DMD: variants seen among roughly 807,000 people sequenced by gnomAD.
The protein encoded by DMD is mutant dystrophin.
In DMD, 63 loss-of-function variants were observed where a neutral mutation model predicts 330.1. That is an observed-to-expected ratio of 0.19 (90% CI 0.16 to 0.24). The LOEUF (loss-of-function observed/expected upper bound fraction) is 0.24. DMD is among the 10% of genes least tolerant of loss of function. The pLI, the probability that DMD is intolerant of heterozygous loss-of-function variation, is 1.00. For missense variants in DMD, 3,344 were observed against 2,684.1 expected, an observed-to-expected ratio of 1.25 and a Z score of -5.43; for synonymous variants, 1,223 against 959.8, an observed-to-expected ratio of 1.27 and a Z score of -5.07.
chrX:32,586,764 A>G (rs1198121951), intron 13 of DMD, among the ~76,000 whole-genome samples: 2 of 111,110 alleles, frequency 1.8e-5, no homozygotes, highest in Non-Finnish European at 3.8e-5. Context: ...TACCAGTGTC[A>G]GCCTTGCCAC....
chrX:31,431,162 C>G (rs1159626692), intron 60 of DMD, among the ~76,000 whole-genome samples: 3 of 110,711 alleles, frequency 2.7e-5, no homozygotes, highest in Non-Finnish European at 5.7e-5. Flanking sequence ...ACTTGATTTT[C>G]TCTGTTACAA....
intron 42 of DMD, among the ~76,000 whole-genome samples, chrX:32,302,303 C>CGCCGTATCAT: frequency 9.0e-6 from 1 of 111,190 alleles, no homozygotes; most frequent in East Asian, 2.8e-4. Context: ...GTAAGCTAGG[C>CGCCGTATCAT]TAAACCATGA....
chrX:31,750,595 A>G (rs2088451874), intron 51 of DMD, among the ~76,000 whole-genome samples: 1 of 110,953 alleles, frequency 9.0e-6, no homozygotes, highest in Admixed American at 9.7e-5. Context: ...CAAGACAGGG[A>G]TGCCCTCTCT....
intron 44 of DMD, among the ~76,000 whole-genome samples, chrX:32,199,990 C>T (rs1013548379): frequency 1.8e-5 from 2 of 110,654 alleles, no homozygotes; most frequent in South Asian, 7.7e-4. Context: ...AAACATAGCC[C>T]CCTATACCTT....
intron 1 of DMD, among the ~76,000 whole-genome samples, chrX:33,120,413 G>C (rs1186354020): frequency 9.0e-6 from 1 of 111,344 alleles, no homozygotes; most frequent in Non-Finnish European, 1.9e-5. Context: ...GTAGTTAAAG[G>C]TCGCTTCTGG....
intron 29 of DMD, among the ~76,000 whole-genome samples, chrX:32,418,311 T>C (rs2098174222): frequency 9.0e-6 from 1 of 111,348 alleles, no homozygotes. Context: ...GACATCCAGA[T>C]CATCTAGAAT....
At chrX:32,665,832 G>C (rs754373397) in intron 9 of DMD, among the ~76,000 whole-genome samples, 1 of 111,605 alleles carries the variant, frequency 9.0e-6, no homozygotes, top group African/African-American at 3.3e-5. Context: ...GTGTTTTCCC[G>C]GTAATCTTTT....
At chrX:32,789,594 A>C (rs1330619793) in intron 7 of DMD, among the ~76,000 whole-genome samples, 1 of 112,158 alleles carries the variant, frequency 8.9e-6, no homozygotes, top group Non-Finnish European at 1.9e-5. Context: ...ACGGACTTTA[A>C]GAAGAGATAA....
At chrX:31,702,105 G>A (rs765133698) in intron 52 of DMD, among the ~76,000 whole-genome samples, 6 of 111,785 alleles carry the variant, frequency 5.4e-5, no homozygotes, top group African/African-American at 1.9e-4. Flanking sequence ...GATTAATATG[G>A]AAGATTCCTT....
chrX:31,919,398 A>T (rs761421688), intron 47 of DMD, among the ~76,000 whole-genome samples: 1 of 112,561 alleles, frequency 8.9e-6, no homozygotes, highest in African/African-American at 3.2e-5. Context: ...TTCACAAAAA[A>T]ATATTTTTAG....
At chrX:31,164,606 T>C (rs2039218369) in intron 74 of DMD, among the ~76,000 whole-genome samples, 1 of 111,627 alleles carries the variant, frequency 9.0e-6, no homozygotes, top group African/African-American at 3.3e-5. Flanking sequence ...GTCTACTTCA[T>C]TTCTATCACC....
At chrX:32,616,208 A>C (rs2057552264) in intron 11 of DMD, among the ~76,000 whole-genome samples, 1 of 111,086 alleles carries the variant, frequency 9.0e-6, no homozygotes, top group Non-Finnish European at 1.9e-5. Context: ...CTAAAGTAAT[A>C]GGTGTCATGT....
intron 34 of DMD, among the ~76,000 whole-genome samples, chrX:32,377,215 T>G (rs2097906707): frequency 8.9e-6 from 1 of 111,818 alleles, no homozygotes; most frequent in Non-Finnish European, 1.9e-5. Context: ...CACTCAGTAC[T>G]TGATACTTCA....
At chrX:31,351,746 C>CAAAAAAAAAAAAAAAAAAAAA (rs1300313892) in intron 60 of DMD, among the ~76,000 whole-genome samples, 10 of 71,547 alleles carry the variant, frequency 1.4e-4, no homozygotes, top group African/African-American at 5.7e-4. Flanking sequence ...AAAAAAAAAG[C>CAAAAAAAAAAAAAAAAAAAAA]AAAAAAGGAG....
intron 7 of DMD, among the ~76,000 whole-genome samples, chrX:32,735,829 G>T (rs750454007): frequency 9.0e-6 from 1 of 111,626 alleles, no homozygotes; most frequent in Admixed American, 9.5e-5. Context: ...GAAAACCTAG[G>T]CATTACCATT....
At chrX:31,832,224 G>A (rs1009830157) in intron 49 of DMD, among the ~76,000 whole-genome samples, 21 of 111,947 alleles carry the variant, frequency 1.9e-4, no homozygotes, top group African/African-American at 5.2e-4. Context: ...GCAACATTTC[G>A]ACCAATGAAA....
intron 18 of DMD, among the ~76,000 whole-genome samples, chrX:32,508,146 T>C (rs1338203383): frequency 1.8e-5 from 2 of 111,067 alleles, no homozygotes; most frequent in Non-Finnish European, 3.8e-5. Flanking sequence ...TGACAGTCTA[T>C]AGGCTGATTA....
At chrX:32,362,709 T>A (rs977758390) in intron 37 of DMD, 79 bp downstream of exon 37, 1 of 1,104,719 alleles carries the variant, frequency 9.1e-7, no homozygotes, top group Non-Finnish European at 1.3e-6. Context: ...TGGGGTCTAC[T>A]TGCCCCTTTC....
chrX:31,755,493 G>C (rs2088990025), intron 51 of DMD, among the ~76,000 whole-genome samples: 1 of 111,646 alleles, frequency 9.0e-6, no homozygotes, highest in Admixed American at 9.6e-5. Context: ...CAACACCTGA[G>C]AGTGAGGGTA....
Sources: gnomAD v4.1 joint callset for allele counts (sites outside exome capture counted in the v4.1 genomes callset) on GRCh38, gnomAD v4.1.1 for gene constraint, MANE v1.5 for transcripts, NCBI Gene and HGNC (gene_info 2026-07-23, HGNC 2026-07-21) for gene names.